JARID2: variants seen among roughly 807,000 people sequenced by gnomAD.
The protein encoded by JARID2 is jumonji and AT-rich interaction domain containing 2.
Under a neutral mutation model 125.6 loss-of-function variants are expected in JARID2, and 21 were observed. The ratio of observed to expected loss-of-function variants is 0.17; its 90% CI spans 0.12 to 0.24. The LOEUF (loss-of-function observed/expected upper bound fraction) is 0.24. Ranked by LOEUF, JARID2 falls within the 10% of genes least tolerant of loss-of-function variation. The probability of loss-of-function intolerance (pLI) is 1.00; values close to 1 mark genes in which losing one functional copy is unlikely to be tolerated. For synonymous variants in JARID2, 736 were observed against 661.6 expected, an observed-to-expected ratio of 1.11 and a Z score of -1.73; for missense variants, 1,303 against 1,639.6, an observed-to-expected ratio of 0.79 and a Z score of 3.55.
intron 1 of JARID2, among the ~76,000 whole-genome samples, chr6:15,273,704 A>AAAAC (rs563299965): frequency 6.6e-6 from 1 of 152,192 alleles, no homozygotes; most frequent in African/African-American, 2.4e-5. Flanking sequence ...TCTGTCTCAA[A>AAAAC]AAACAAACAA....
At chr6:15,403,680 G>A (rs1765531307) in intron 2 of JARID2, among the ~76,000 whole-genome samples, 1 of 152,114 alleles carries the variant, frequency 6.6e-6, no homozygotes. Flanking sequence ...AGTATCTAAC[G>A]CTTTCTCAAA....
At chr6:15,248,188 G>T (rs1158844723) in intron 1 of JARID2, 3 of 699,518 alleles carry the variant, frequency 4.3e-6, no homozygotes, top group Non-Finnish European at 5.3e-6. Flanking sequence ...GAGCAGAGCC[G>T]GTGTTCCCGA....
rs547043807 is a variant in JARID2 at position 15,517,098 on chromosome 6, T to G, written c.3451-63T>G. On this transcript the variant is annotated intron_variant, in intron 16 of 17. Transcript: ENST00000341776. ...CTGCCCGGCCGGGCGTGCTCCTACC[T>G]TACCCTCCCAGGGCGCTGTGGAGCT... The G allele has an allele frequency of 3.0e-5, 38 of 1,284,776 alleles. 1 individual carries two copies. In the South Asian group the frequency reaches 4.4e-4, roughly 15 times the overall value. 79.6% of individuals were successfully genotyped at this position (1,284,776 alleles called of 1,614,324 possible). A position where few individuals can be genotyped will look rare whatever the true frequency, so the allele number is the denominator to read the frequency against.
chr6:15,275,858 A>G (rs150029736), intron 1 of JARID2, among the ~76,000 whole-genome samples: 125 of 152,182 alleles, frequency 8.2e-4, no homozygotes, highest in African/African-American at 2.8e-3. Flanking sequence ...TGGGACAAGC[A>G]ATTTTCTGGT....
At chr6:15,370,065 G>A (rs1764109661) in intron 1 of JARID2, among the ~76,000 whole-genome samples, 1 of 152,154 alleles carries the variant, frequency 6.6e-6, no homozygotes, top group Admixed American at 6.5e-5. Context: ...AGGGCGAGTA[G>A]GGGTAAATAA....
intron 2 of JARID2, chr6:15,400,700 C>T: frequency 1.7e-6 from 1 of 583,478 alleles, no homozygotes. Flanking sequence ...GCCGGAGACC[C>T]CTCCTCTTTG....
rs141960444 is a variant in JARID2, at chr6:15,275,312, C to T, written c.45+28728C>T. 5.6e-3 allele frequency among the ~76,000 whole-genome samples: 851 copies of T among 152,164 alleles called. 8 individuals are homozygous for T. Among genetic ancestry groups the T allele is most frequent in the African/African-American group, 0.02 (825 of 41,498 alleles). ...ACAGGGTTTTGGATCTTTGGTGTTT[C>T]CTTTTTTACAAAGGCCATGTGCACA... On this transcript the variant is annotated intron_variant, in intron 1 of 17. Coordinates refer to ENST00000341776, the MANE Select transcript of JARID2 (RefSeq NM_004973.4).
chr6:15,367,569 T>C (rs1764023765), intron 1 of JARID2, among the ~76,000 whole-genome samples: 1 of 152,260 alleles, frequency 6.6e-6, no homozygotes, highest in South Asian at 2.1e-4. Context: ...TTTGAAATTT[T>C]ACTTCCTGAT....
chr6:15,419,708 C>T (rs1766399702), intron 3 of JARID2, among the ~76,000 whole-genome samples: 1 of 152,154 alleles, frequency 6.6e-6, no homozygotes, highest in African/African-American at 2.4e-5. Context: ...TGACACTGCC[C>T]CACTGTCCCG....
Position 15,521,651 on chromosome 6 carries a change from A to G in JARID2, c.*1400A>G, listed in dbSNP as rs1227554802. ...GTTTTCACAAGCTGTTCTTTGTTTC[A>G]TAATTGGATTCATCAATCCCGTAGC... On this transcript the variant is annotated 3_prime_UTR_variant, in exon 18 of 18. Coordinates refer to ENST00000341776, the MANE Select transcript of JARID2 (RefSeq NM_004973.4). 2 of 152,372 alleles carry G rather than the reference A, an allele frequency of 1.3e-5. No individual in the cohort carries two copies. The highest frequency in any genetic ancestry group is 1.9e-4 in the East Asian group (1 of 5,190). 9.4% of individuals were successfully genotyped at this position (152,372 alleles called of 1,614,324 possible).
At chr6:15,494,761 A>G (rs979907123) in intron 6 of JARID2, among the ~76,000 whole-genome samples, 1 of 152,104 alleles carries the variant, frequency 6.6e-6, no homozygotes, top group Non-Finnish European at 1.5e-5. Context: ...GTTTAGTACA[A>G]AGGTCACTAA....
At chr6:15,420,264 G>A (rs376331859) in intron 3 of JARID2, among the ~76,000 whole-genome samples, 28 of 152,116 alleles carry the variant, frequency 1.8e-4, no homozygotes, top group African/African-American at 6.7e-4. Flanking sequence ...TTAGCTGGGC[G>A]TGGTGGTGCG....
intron 3 of JARID2, among the ~76,000 whole-genome samples, chr6:15,436,359 T>C (rs1165967836): frequency 6.6e-6 from 1 of 152,228 alleles, no homozygotes; most frequent in African/African-American, 2.4e-5. Flanking sequence ...GATGGCTTAC[T>C]GGCCTGCCAG....
chr6:15,470,909 A>C (rs569167984), intron 5 of JARID2, among the ~76,000 whole-genome samples: 7 of 152,244 alleles, frequency 4.6e-5, no homozygotes, highest in Admixed American at 6.5e-5. Flanking sequence ...AGACCTGGGC[A>C]CGAGAAAGAA....
At chr6:15,458,715 C>T (rs1768308384) in intron 4 of JARID2, among the ~76,000 whole-genome samples, 1 of 152,118 alleles carries the variant, frequency 6.6e-6, no homozygotes, top group Non-Finnish European at 1.5e-5. Flanking sequence ...GGGAGAGGCC[C>T]TGGGATGGCT....
intron 1 of JARID2, among the ~76,000 whole-genome samples, chr6:15,270,669 C>A (rs960098153): frequency 6.6e-6 from 1 of 152,118 alleles, no homozygotes; most frequent in African/African-American, 2.4e-5. Flanking sequence ...TGACCAGAGG[C>A]CATGCATGGT....
rs1173772591 is a variant in JARID2 at position 15,508,979 on chromosome 6, A to T, written c.2846+525A>T. The T allele has an allele frequency of 3.1e-6, 4 of 1,289,258 alleles. No homozygotes were observed. In the African/African-American group the frequency reaches 6.1e-5, roughly 20 times the overall value. 79.9% of individuals were successfully genotyped at this position (1,289,258 alleles called of 1,614,324 possible). On this transcript the variant is annotated intron_variant, in intron 12 of 17. Coordinates refer to ENST00000341776, the MANE Select transcript of JARID2 (RefSeq NM_004973.4). ...TTATTTTCAGCCTCTCTGTAGAGCC[A>T]GTGTTTCCTCATCTATCGGTGGCTG...
intron 4 of JARID2, among the ~76,000 whole-genome samples, chr6:15,453,966 A>T (rs1053147365): frequency 6.6e-6 from 1 of 152,180 alleles, no homozygotes; most frequent in Non-Finnish European, 1.5e-5. Context: ...CATTTCTCCC[A>T]GGTGCTCTTA....
intron 5 of JARID2, among the ~76,000 whole-genome samples, chr6:15,479,089 TGA>T (rs1769489130): frequency 6.6e-6 from 1 of 152,212 alleles, no homozygotes; most frequent in South Asian, 2.1e-4. Flanking sequence ...TTCTTGCCAG[TGA>T]TAAAGCACGA....
Sources: gnomAD v4.1 joint callset for allele counts (sites outside exome capture counted in the v4.1 genomes callset) on GRCh38, gnomAD v4.1.1 for gene constraint, MANE v1.5 for transcripts, NCBI Gene and HGNC (gene_info 2026-07-23, HGNC 2026-07-21) for gene names.